HSP90AA1: variants seen among roughly 807,000 people sequenced by gnomAD.
HSP90AA1 encodes heat shock protein HSP 90-alpha.
A neutral mutation model predicts 73.3 loss-of-function variants in HSP90AA1; 18 were observed. That is an observed-to-expected ratio of 0.25 (90% CI 0.17 to 0.36). HSP90AA1 has a LOEUF of 0.36. HSP90AA1 is among the 10% of genes least tolerant of loss of function. The pLI, the probability that HSP90AA1 is intolerant of heterozygous loss-of-function variation, is 1.00. For missense variants in HSP90AA1, 704 were observed against 874.2 expected, an observed-to-expected ratio of 0.81 and a Z score of 2.45; for synonymous variants, 477 against 296.9, an observed-to-expected ratio of 1.61 and a Z score of -6.24.
chr14:102,124,593 G>C (rs1414859576), intron 1 of HSP90AA1, among the ~76,000 whole-genome samples: 1 of 151,772 alleles, frequency 6.6e-6, no homozygotes, highest in Non-Finnish European at 1.5e-5. Context: ...CTGGAGTGCA[G>C]TGGCACTATC....
chr14:102,139,486 T>A (rs775420668), exon 1 of HSP90AA1: 105 of 1,401,234 alleles, frequency 7.5e-5, no homozygotes, highest in Non-Finnish European at 9.6e-5. Context: ...CTCTTTGGGG[T>A]CCCGGCGCCC....
At chr14:102,102,155 A>T (rs1010517317) in intron 1 of HSP90AA1, 1 of 1,334,222 alleles carries the variant, frequency 7.5e-7, no homozygotes, top group African/African-American at 1.4e-5. Flanking sequence ...CAGAGGATGA[A>T]CTTGGACAGC....
intron 1 of HSP90AA1, among the ~76,000 whole-genome samples, chr14:102,120,495 A>G (rs564328560): frequency 6.6e-6 from 1 of 152,268 alleles, no homozygotes; most frequent in East Asian, 1.9e-4. Flanking sequence ...TGAACTTTTG[A>G]CACACATAAG....
intron 1 of HSP90AA1, 105 bp from the exon 2 acceptor site, chr14:102,086,483 G>C (rs756835017): frequency 7.4e-7 from 1 of 1,358,964 alleles, no homozygotes; most frequent in East Asian, 2.3e-5. Context: ...TTGGAGATTT[G>C]CGAAGTTTAA....
chr14:102,124,357 A>C (rs557253875), intron 1 of HSP90AA1, among the ~76,000 whole-genome samples: 3 of 150,124 alleles, frequency 2.0e-5, no homozygotes, highest in Non-Finnish European at 4.4e-5. Flanking sequence ...ATGCCCAGCT[A>C]ATTTTTGTGT....
At chr14:102,083,500 A>C in intron 8 of HSP90AA1, 46 bp downstream of exon 8, 1 of 1,581,468 alleles carries the variant, frequency 6.3e-7, no homozygotes, top group Non-Finnish European at 8.7e-7. Flanking sequence ...AGAGCCTACA[A>C]GATTGTAAGA....
chr14:102,085,185 T>A, intron 4 of HSP90AA1, 113 bp downstream of exon 4: 1 of 1,421,056 alleles, frequency 7.0e-7, no homozygotes, highest in East Asian at 2.3e-5. Flanking sequence ...GTAGTAGAGC[T>A]TAGGTTCCCC....
At chr14:102,135,930 A>G (rs1438601768) in intron 1 of HSP90AA1, among the ~76,000 whole-genome samples, 1 of 152,166 alleles carries the variant, frequency 6.6e-6, no homozygotes, top group Non-Finnish European at 1.5e-5. Context: ...AGTGGGCTCC[A>G]GCCTTGGCCA....
At chr14:102,089,435 C>A (rs1160341853), upstream of HSP90AA1, among the ~76,000 whole-genome samples, 1 of 152,204 alleles carries the variant, frequency 6.6e-6, no homozygotes, top group South Asian at 2.1e-4. Context: ...TGTCCTGTCT[C>A]CAGGTGACAT....
intron 1 of HSP90AA1, among the ~76,000 whole-genome samples, chr14:102,117,774 C>T (rs1009509208): frequency 2.6e-5 from 4 of 152,156 alleles, no homozygotes; most frequent in East Asian, 1.9e-4. Context: ...CACCACGTTG[C>T]GGGCGAAGAG....
chr14:102,105,034 TAA>T (rs35769966), intron 1 of HSP90AA1, among the ~76,000 whole-genome samples: 31 of 97,464 alleles, frequency 3.2e-4, no homozygotes, highest in African/African-American at 6.2e-4. Context: ...TCATCTCTAC[TAA>T]AAAAAAAAAA....
chr14:102,132,799 A>T, intron 1 of HSP90AA1, among the ~76,000 whole-genome samples: 1 of 151,136 alleles, frequency 6.6e-6, no homozygotes, highest in East Asian at 2.0e-4. Context: ...CTCTACTAAA[A>T]ATACAAAAGA....
upstream of HSP90AA1, among the ~76,000 whole-genome samples, chr14:102,087,391 C>T (rs1008024854): frequency 5.3e-5 from 8 of 151,586 alleles, no homozygotes; most frequent in Non-Finnish European, 1.2e-4. Context: ...CCACCTGCCG[C>T]GGGCGGGCGG....
In HSP90AA1 at chr14:102,085,742, A is replaced by C. The variant is rs2049215571; in HGVS notation, c.529+16T>G. 1.2e-6 allele frequency: 2 copies of C among 1,613,966 alleles called. No homozygotes were observed. The highest frequency in any genetic ancestry group is 2.2e-5 in the East Asian group (1 of 44,886). ...CTTCCACCGCTCACTTAACCAGTGA[A>C]TGTTCAGGTGCCTACCTGTGTCTGT... On this transcript the variant is annotated intron_variant, in intron 3 of 10. Transcript: ENST00000216281.
At chr14:102,086,617 TCCC>T (rs1308992752) in intron 1 of HSP90AA1, among the ~76,000 whole-genome samples, 1 of 150,804 alleles carries the variant, frequency 6.6e-6, no homozygotes, top group African/African-American at 2.4e-5. Context: ...CCCGCCGCGG[TCCC>T]CAACGAACAC....
In HSP90AA1 at chr14:102,124,075, G is replaced by A. The variant is rs546919758; in HGVS notation, c.155+15175C>T. ...TGGGATTACAGGCGGAAACTACCAC[G>A]TCCAGCCTATTTATCTTATTTTGTT... On this transcript the variant is annotated intron_variant, in intron 1 of 11. Coordinates refer to the HSP90AA1 transcript ENST00000334701. Among the ~76,000 whole-genome samples the A allele has an allele frequency of 1.6e-4, 25 of 151,786 alleles. No homozygotes were observed. The South Asian group carries it at 3.1e-3, about 19-fold the overall frequency.
At chr14:102,106,624 A>G (rs2152620772) in intron 1 of HSP90AA1, among the ~76,000 whole-genome samples, 1 of 144,298 alleles carries the variant, frequency 6.9e-6, no homozygotes, top group East Asian at 2.0e-4. Context: ...GCTCACTGCA[A>G]CCTCCGCCTC....
upstream of HSP90AA1, among the ~76,000 whole-genome samples, chr14:102,091,596 A>C (rs963349834): frequency 2.0e-5 from 3 of 151,972 alleles, no homozygotes; most frequent in Non-Finnish European, 4.4e-5. Context: ...ACTGCACTCC[A>C]ACCTGGGCAA....
In HSP90AA1 at chr14:102,139,264, C is replaced by T. The variant is rs769362749; in HGVS notation, c.141G>A (p.Pro47=). 1.8e-5 allele frequency: 29 copies of T among 1,613,994 alleles called. No homozygotes were observed. Among genetic ancestry groups the T allele is most frequent in the Non-Finnish European group, 2.5e-5 (29 of 1,180,038 alleles). ...TCCCTTGGTACCTTCTCAGAAACGG[C>T]GGCGAGGAGGCTTCAGAGGGGCTTC... Residue 47 remains proline (P), a synonymous_variant, in exon 1 of 12, where the codon CCG becomes CCA. Transcript: ENST00000334701.
Sources: allele counts gnomAD v4.1 joint callset (sites outside exome capture counted in the v4.1 genomes callset), GRCh38; gene constraint gnomAD v4.1.1; transcripts MANE v1.5; gene names NCBI Gene and HGNC (gene_info 2026-07-23, HGNC 2026-07-21).